Variants in RNF2 observed in about 807,000 individuals in gnomAD.
RNF2 encodes the protein ring finger protein 2.
RNF2 carries 6 observed loss-of-function variants against 37.2 expected under a neutral mutation model. That is an observed-to-expected ratio of 0.16 (90% CI 0.09 to 0.32). The LOEUF is 0.32. Ranked by LOEUF, RNF2 falls within the 10% of genes least tolerant of loss-of-function variation. The pLI is 1.00. For synonymous variants in RNF2, 133 were observed against 132.7 expected, an observed-to-expected ratio of 1.00 and a Z score of -0.02; for missense variants, 251 against 404.0, an observed-to-expected ratio of 0.62 and a Z score of 3.25.
Position 185,082,873 on chromosome 1 carries a change from A to G in RNF2, c.-2-4679A>G, listed in dbSNP as rs193284878. Among the ~76,000 whole-genome samples, 415 of 152,358 alleles carry G rather than the reference A, an allele frequency of 2.7e-3. 2 individuals are homozygous for G. The highest frequency in any genetic ancestry group is 0.014 in the Middle Eastern group (4 of 294). On this transcript the variant is annotated intron_variant, in intron 1 of 6. Transcript: ENST00000367510. ...AGTAACAAGTCGTTAGCAAAAAAACATAAAGTGAGAAATGCCCATTAAAAT... is the reference window on the plus strand; with the variant it reads ...AGTAACAAGTCGTTAGCAAAAAAACGTAAAGTGAGAAATGCCCATTAAAAT...
intron 4 of RNF2, among the ~76,000 whole-genome samples, chr1:185,094,878 A>C (rs1261042883): frequency 6.6e-6 from 1 of 152,212 alleles, no homozygotes; most frequent in Non-Finnish European, 1.5e-5. Context: ...AGTAAAGTCC[A>C]TCTCAGTCTA....
chr1:185,096,631 C>T (rs767863646), intron 4 of RNF2, among the ~76,000 whole-genome samples: 3 of 151,888 alleles, frequency 2.0e-5, no homozygotes, highest in Non-Finnish European at 4.4e-5. Context: ...CACCAAGTTA[C>T]GTATTTGTAC....
At chr1:185,087,178 C>T (rs1651625446) in intron 1 of RNF2, among the ~76,000 whole-genome samples, 1 of 152,092 alleles carries the variant, frequency 6.6e-6, no homozygotes, top group South Asian at 2.1e-4. Context: ...ATTTAGCCTG[C>T]TATAAAAAAT....
At chr1:185,096,446 T>C (rs1244239194) in intron 4 of RNF2, among the ~76,000 whole-genome samples, 2 of 152,070 alleles carry the variant, frequency 1.3e-5, no homozygotes, top group Admixed American at 1.3e-4. Flanking sequence ...AAGCACTAAC[T>C]CCTCATTTCT....
rs1005366945 is a variant in RNF2 at position 185,063,902 on chromosome 1, C to T, written c.-3+18253C>T. Among the ~76,000 whole-genome samples, 4 of 152,298 alleles carry T rather than the reference C, an allele frequency of 2.6e-5. No individual in the cohort carries two copies. In the East Asian group the frequency reaches 7.7e-4, roughly 29 times the overall value. On this transcript the variant is annotated intron_variant, in intron 1 of 6. Coordinates refer to ENST00000367510, the MANE Select transcript of RNF2 (RefSeq NM_007212.4). ...TGACTCTGCTTCTCACATCACATCG[C>T]TTTGTCTGCCTCTTAAGGACCTTTG... is the stretch of plus-strand genomic sequence containing the variant.
intron 1 of RNF2, among the ~76,000 whole-genome samples, chr1:185,083,211 CTT>C (rs1651480973): frequency 6.6e-6 from 1 of 152,000 alleles, no homozygotes; most frequent in African/African-American, 2.4e-5. Context: ...GATAAAATAT[CTT>C]TTGATTTTTT....
At chr1:185,060,963 T>TA (rs1371922604) in intron 1 of RNF2, among the ~76,000 whole-genome samples, 4 of 151,858 alleles carry the variant, frequency 2.6e-5, no homozygotes, top group Non-Finnish European at 4.4e-5. Context: ...TATGAAAAGT[T>TA]AAAAAAGTAG....
chr1:185,099,056 T>G (rs909484585), intron 5 of RNF2, among the ~76,000 whole-genome samples: 6 of 150,416 alleles, frequency 4.0e-5, no homozygotes, highest in African/African-American at 1.5e-4. Flanking sequence ...GGCCTCTTTT[T>G]TTTTTTTTTT....
At chr1:185,079,579 G>A (rs562589577) in intron 1 of RNF2, among the ~76,000 whole-genome samples, 7 of 152,216 alleles carry the variant, frequency 4.6e-5, no homozygotes, top group South Asian at 2.1e-4. Context: ...CCTCTCATTG[G>A]AACAGTCATT....
intron 2 of RNF2, among the ~76,000 whole-genome samples, chr1:185,090,516 A>G (rs1262383453): frequency 6.6e-6 from 1 of 152,220 alleles, no homozygotes; most frequent in Admixed American, 6.5e-5. Flanking sequence ...CTGAAATCTA[A>G]CAAACATTTT....
At chr1:185,085,182 T>C (rs1319946873) in intron 1 of RNF2, among the ~76,000 whole-genome samples, 3 of 127,434 alleles carry the variant, frequency 2.4e-5, no homozygotes, top group African/African-American at 9.3e-5. Context: ...AAAGTCTCAC[T>C]CTGTCACCCA....
At chr1:185,090,403 G>T (rs540709507) in intron 2 of RNF2, among the ~76,000 whole-genome samples, 1 of 152,292 alleles carries the variant, frequency 6.6e-6, no homozygotes, top group South Asian at 2.1e-4. Flanking sequence ...TACTCTCTGG[G>T]TCATCAATAT....
rs115607513 is a variant in RNF2 at position 185,092,618 on chromosome 1, A to G, written c.249-443A>G. Reference sequence around the variant, plus strand: ...GAGTATTTGTTTTGAGGAAATTACAACGCATAAAACCACGATTTTTCCACT... The same window carrying G: ...GAGTATTTGTTTTGAGGAAATTACAGCGCATAAAACCACGATTTTTCCACT... On this transcript the variant is annotated intron_variant, in intron 3 of 6. Coordinates refer to ENST00000367510, the MANE Select transcript of RNF2 (RefSeq NM_007212.4). Among the ~76,000 whole-genome samples, 387 of 152,248 alleles carry G rather than the reference A, an allele frequency of 2.5e-3. 3 individuals carry two copies. The highest frequency in any genetic ancestry group is 8.9e-3 in the African/African-American group (369 of 41,552).
At chr1:185,083,244 G>A (rs1651481698) in intron 1 of RNF2, among the ~76,000 whole-genome samples, 1 of 152,140 alleles carries the variant, frequency 6.6e-6, no homozygotes, top group Non-Finnish European at 1.5e-5. Flanking sequence ...TTGATAGCTA[G>A]ATTTATTCGA....
intron 1 of RNF2, among the ~76,000 whole-genome samples, chr1:185,066,445 T>C (rs1311554750): frequency 2.0e-5 from 3 of 152,240 alleles, no homozygotes; most frequent in East Asian, 1.9e-4. Flanking sequence ...CCTTAAACTC[T>C]TCCTCCAAGA....
chr1:185,089,756 G>A (rs1466117436), intron 2 of RNF2, among the ~76,000 whole-genome samples: 3 of 152,012 alleles, frequency 2.0e-5, no homozygotes, highest in African/African-American at 4.8e-5. Flanking sequence ...GAGGCCGGGC[G>A]TGGTGGCTCA....
At chr1:185,056,600 G>T (rs1006552993) in intron 1 of RNF2, among the ~76,000 whole-genome samples, 2 of 151,992 alleles carry the variant, frequency 1.3e-5, no homozygotes, top group Non-Finnish European at 2.9e-5. Flanking sequence ...CAAACTCCTG[G>T]CCTCAAGTGA....
At position 185,100,508 on chromosome 1, in the gene RNF2, C is replaced by CT. The variant is rs1652047391; in HGVS notation, c.*210dup. On this transcript the variant is annotated 3_prime_UTR_variant, in exon 7 of 7. Coordinates refer to ENST00000367510, the MANE Select transcript of RNF2 (RefSeq NM_007212.4). ...GACTGCAATTATTCAGTATTTTTTT[C>CT]TTTCCTTTAAAAAAATATATCTGAA... 1 of 365,640 alleles carries CT rather than the reference C, an allele frequency of 2.7e-6. No homozygotes were observed. The highest frequency in any genetic ancestry group is 4.1e-5 in the East Asian group (1 of 24,536). The allele number at this position is 365,640 out of a possible 1,614,324, so 22.6% of individuals were successfully genotyped here.
chr1:185,070,248 T>G (rs958217925), intron 1 of RNF2, among the ~76,000 whole-genome samples: 2 of 152,160 alleles, frequency 1.3e-5, no homozygotes, highest in African/African-American at 4.8e-5. Context: ...TTTTTATCAC[T>G]TTGCAGATTA....
Sources: gnomAD v4.1 joint callset for allele counts (sites outside exome capture counted in the v4.1 genomes callset) on GRCh38, gnomAD v4.1.1 for gene constraint, MANE v1.5 for transcripts, NCBI Gene and HGNC (gene_info 2026-07-23, HGNC 2026-07-21) for gene names.